ESRRB: variants seen among roughly 807,000 people sequenced by gnomAD.
The protein encoded by ESRRB is steroid hormone receptor ERR2.
Under a neutral mutation model 46.0 loss-of-function variants are expected in ESRRB, and 16 were observed. That is an observed-to-expected ratio of 0.35 (90% CI 0.24 to 0.53). The LOEUF (loss-of-function observed/expected upper bound fraction) is 0.53. Ranked by LOEUF, ESRRB falls within the 20% of genes least tolerant of loss-of-function variation. The pLI, the probability that ESRRB is intolerant of heterozygous loss-of-function variation, is 0.93. For synonymous variants in ESRRB, 246 were observed against 259.6 expected (o/e 0.95, Z 0.50); for missense variants, 488 against 607.4 (o/e 0.80, Z 2.07).
intron 1 of ESRRB, among the ~76,000 whole-genome samples, chr14:76,382,488 G>C (rs1430131189): frequency 6.6e-6 from 1 of 152,204 alleles, no homozygotes; most frequent in African/African-American, 2.4e-5. Flanking sequence ...CCTTCTCCAG[G>C]ATAACAGATG....
intron 1 of ESRRB, among the ~76,000 whole-genome samples, chr14:76,359,500 AG>A (rs572410515): frequency 1.3e-5 from 2 of 152,210 alleles, no homozygotes; most frequent in Admixed American, 6.5e-5. Context: ...CTATTAGGTC[AG>A]TCCTATCAGT....
chr14:76,362,188 C>T (rs567151041), intron 1 of ESRRB, among the ~76,000 whole-genome samples: 27 of 152,300 alleles, frequency 1.8e-4, no homozygotes, highest in Admixed American at 5.9e-4. Context: ...GTGCTAGGCA[C>T]GGTGCAAAGT....
At chr14:76,357,776 G>T (rs1391353139) in intron 1 of ESRRB, among the ~76,000 whole-genome samples, 7 of 152,118 alleles carry the variant, frequency 4.6e-5, no homozygotes, top group Non-Finnish European at 1.5e-5. Context: ...TTGGCCTCCC[G>T]AGTAGCTGGG....
chr14:76,500,134 C>A lies in ESRRB; in HGVS notation c.*1676C>A. The A allele has an allele frequency of 7.3e-7, 1 of 1,377,456 alleles. No homozygotes were observed. The highest frequency in any genetic ancestry group is 9.9e-7 in the Non-Finnish European group (1 of 1,005,096). The allele number at this position is 1,377,456 out of a possible 1,614,324, so 85.3% of individuals were successfully genotyped here. On this transcript the variant is annotated 3_prime_UTR_variant, in exon 7 of 7. Transcript: ENST00000644823. ...CCTTGGCTCTACCCCAGGAACCTCC[C>A]GGCCTGGGCTTCTGGGCTGGGACGT...
At chr14:76,471,929 T>C (rs1338198827) in intron 3 of ESRRB, among the ~76,000 whole-genome samples, 1 of 152,182 alleles carries the variant, frequency 6.6e-6, no homozygotes, top group Non-Finnish European at 1.5e-5. Flanking sequence ...CCATGATTGA[T>C]TAGCAATGTC....
upstream of ESRRB, among the ~76,000 whole-genome samples, chr14:76,368,126 C>CTTTT (rs751709764): frequency 8.0e-6 from 1 of 124,228 alleles, no homozygotes; most frequent in Non-Finnish European, 1.6e-5. Flanking sequence ...CTAATTTTTC[C>CTTTT]TTTTTTTTTT....
At chr14:76,497,113 G>T (rs1890462250) in intron 6 of ESRRB, among the ~76,000 whole-genome samples, 2 of 152,146 alleles carry the variant, frequency 1.3e-5, no homozygotes, top group South Asian at 4.1e-4. Context: ...AGCCCACATG[G>T]CAATGCCCAG....
chr14:76,420,851 C>T (rs1886925731), intron 1 of ESRRB, among the ~76,000 whole-genome samples: 2 of 152,110 alleles, frequency 1.3e-5, no homozygotes, highest in African/African-American at 4.8e-5. Flanking sequence ...TGCAGACCAC[C>T]CTCACACACC....
chr14:76,345,335 A>C (rs1595050629), intron 1 of ESRRB, among the ~76,000 whole-genome samples: 1 of 149,146 alleles, frequency 6.7e-6, no homozygotes, highest in East Asian at 2.0e-4. Flanking sequence ...GAACTCAAAC[A>C]AACCAGTAAG....
At chr14:76,429,966 TCCTG>T (rs1296621347) in intron 1 of ESRRB, among the ~76,000 whole-genome samples, 67 of 152,048 alleles carry the variant, frequency 4.4e-4, no homozygotes, top group African/African-American at 1.6e-3. Context: ...CTTCCTTCCT[TCCTG>T]CCTGCCTTCC....
At chr14:76,434,562 A>T (rs563380705) in intron 1 of ESRRB, among the ~76,000 whole-genome samples, 4 of 151,944 alleles carry the variant, frequency 2.6e-5, no homozygotes, top group Non-Finnish European at 5.9e-5. Flanking sequence ...CGGGAGGCTG[A>T]GGCAAGAAAA....
At chr14:76,419,527 T>C (rs1198532474) in intron 1 of ESRRB, among the ~76,000 whole-genome samples, 1 of 152,124 alleles carries the variant, frequency 6.6e-6, no homozygotes, top group African/African-American at 2.4e-5. Flanking sequence ...TCTCATGAAC[T>C]TGGGGTTCCT....
intron 1 of ESRRB, among the ~76,000 whole-genome samples, chr14:76,345,610 C>T (rs1194860393): frequency 3.3e-5 from 5 of 152,208 alleles, no homozygotes; most frequent in Non-Finnish European, 5.9e-5. Flanking sequence ...TACACTAGTA[C>T]AGCCACTATG....
chr14:76,499,684 C>A lies in ESRRB; in HGVS notation c.*1226C>A. 2 of 678,226 alleles carry A rather than the reference C, an allele frequency of 2.9e-6. No homozygotes were observed. The highest frequency in any genetic ancestry group is 5.3e-6 in the Non-Finnish European group (2 of 374,794). 42.0% of individuals were successfully genotyped at this position (678,226 alleles called of 1,614,324 possible). A position where few individuals can be genotyped will look rare whatever the true frequency, so the allele number is the denominator to read the frequency against. On this transcript the variant is annotated 3_prime_UTR_variant, in exon 7 of 7. Coordinates refer to ENST00000644823, the MANE Select transcript of ESRRB (RefSeq NM_001379180.1). ...CGCCAGCTCTCTGGCAGGACCCCTG[C>A]AGTCCCCCTGGCTGTGCCAGGTAAC...
At chr14:76,483,918 A>T (rs1421621984) in intron 5 of ESRRB, among the ~76,000 whole-genome samples, 1 of 152,154 alleles carries the variant, frequency 6.6e-6, no homozygotes, top group Non-Finnish European at 1.5e-5. Flanking sequence ...TAATGGCGCG[A>T]TCTCGGCTCA....
intron 2 of ESRRB, 56 bp from the exon 3 acceptor site, chr14:76,462,489 C>A (rs1566599242): frequency 5.2e-6 from 7 of 1,356,322 alleles, no homozygotes; most frequent in East Asian, 2.3e-5. Context: ...CCTGCGCTGG[C>A]AGGTGGGGGC....
chr14:76,351,948 G>A (rs561911412), intron 1 of ESRRB, among the ~76,000 whole-genome samples: 1 of 138,414 alleles, frequency 7.2e-6, no homozygotes, highest in East Asian at 2.1e-4. Context: ...TGGCACTACT[G>A]CACTCGAGCC....
chr14:76,479,710 G>T (rs140771324), intron 3 of ESRRB, among the ~76,000 whole-genome samples: 1 of 152,274 alleles, frequency 6.6e-6, no homozygotes, highest in Non-Finnish European at 1.5e-5. Context: ...CTGTCCTTGT[G>T]CCTCCGTTTG....
chr14:76,424,138 A>C (rs1887096954), intron 1 of ESRRB, among the ~76,000 whole-genome samples: 1 of 152,176 alleles, frequency 6.6e-6, no homozygotes, highest in Non-Finnish European at 1.5e-5. Context: ...ATAGTACTTC[A>C]ACTAGTTGTT....
Sources: allele counts gnomAD v4.1 joint callset (sites outside exome capture counted in the v4.1 genomes callset), GRCh38; gene constraint gnomAD v4.1.1; transcripts MANE v1.5; gene names NCBI Gene and HGNC (gene_info 2026-07-23, HGNC 2026-07-21).